ZNF782: variants seen among roughly 807,000 people sequenced by gnomAD.
ZNF782 encodes the protein zinc finger protein 782.
ZNF782 carries 12 observed loss-of-function variants against 13.0 expected under a neutral mutation model. That is an observed-to-expected ratio of 0.92 (90% CI 0.59 to 1.50). The LOEUF (loss-of-function observed/expected upper bound fraction) is 1.50. ZNF782 is among the 40% of genes most tolerant of loss of function. The pLI is 0.00. For synonymous variants in ZNF782, 284 were observed against 283.0 expected, an observed-to-expected ratio of 1.00 and a Z score of -0.04; for missense variants, 770 against 822.9, an observed-to-expected ratio of 0.94 and a Z score of 0.79.
the ZNF782 span, among the ~76,000 whole-genome samples, chr9:96,907,221 T>C: frequency 1.3e-5 from 2 of 152,128 alleles, no homozygotes; most frequent in African/African-American, 2.4e-5. Flanking sequence ...GGATGAACCT[T>C]GAGGACATTA....
Position 96,844,893 on chromosome 9 carries a change from C to T in ZNF782, c.139G>A (p.Val47Met), listed in dbSNP as rs767393803. ...CCCCATGGTAAGCTGTGCTCACCCA[C>T]TGAGACGAGGTGGCTGTAGTTCTCC... ...MLENYSHLVS[V>M]GYCFTKPELI... Residue 47 changes from valine to methionine, a missense_variant, in exon 4 of 6, where the codon GTG (valine) becomes ATG (methionine). By Grantham distance (21) the Val-to-Met change is conservative (BLOSUM62 1). Coordinates refer to ENST00000481138, the MANE Select transcript of ZNF782 (RefSeq NM_001001662.3). 10 of 1,614,000 alleles carry T rather than the reference C, an allele frequency of 6.2e-6. No homozygotes were observed. The highest frequency in any genetic ancestry group is 8.5e-6 in the Non-Finnish European group (10 of 1,179,908).
At chr9:96,855,740 A>G (rs923120932), upstream of ZNF782, among the ~76,000 whole-genome samples, 2 of 152,214 alleles carry the variant, frequency 1.3e-5, no homozygotes, top group Non-Finnish European at 2.9e-5. Context: ...TCTTTTTCAT[A>G]TAATGACTTC....
At chr9:96,851,883 AG>A in intron 3 of ZNF782, 63 bp downstream of exon 3, 2 of 1,440,820 alleles carry the variant, frequency 1.4e-6, no homozygotes, top group Non-Finnish European at 2.0e-6. Flanking sequence ...ATTTAATGCA[AG>A]GGCCTATCTA....
At chr9:96,919,767 T>C in the ZNF782 span, among the ~76,000 whole-genome samples, 9 of 149,990 alleles carry the variant, frequency 6.0e-5, 1 homozygote, top group East Asian at 4.5e-4. Context: ...TTTCACCATG[T>C]TGGCCTGGTC....
chr9:96,916,489 T>TG, the ZNF782 span, among the ~76,000 whole-genome samples: 327 of 150,024 alleles, frequency 2.2e-3, 5 homozygotes, highest in Non-Finnish European at 1.8e-3. Flanking sequence ...ACTCTGTCTC[T>TG]GGGAAAAAAA....
the ZNF782 span, among the ~76,000 whole-genome samples, chr9:96,913,113 G>A: frequency 1.3e-5 from 2 of 151,310 alleles, no homozygotes; most frequent in Non-Finnish European, 1.5e-5. Flanking sequence ...CCAGAAGTTC[G>A]AGACCAGCCT....
At chr9:96,884,314 G>A in the ZNF782 span, among the ~76,000 whole-genome samples, 1 of 152,194 alleles carries the variant, frequency 6.6e-6, no homozygotes, top group African/African-American at 2.4e-5. Flanking sequence ...GCAGTAAAAG[G>A]CAGAGCTGGT....
chr9:96,863,313 C>T (rs745603947), intron 1 of ZNF782, among the ~76,000 whole-genome samples: 44 of 151,018 alleles, frequency 2.9e-4, no homozygotes, highest in African/African-American at 9.8e-4. Context: ...CAATGTGATA[C>T]GACCTTGCTC....
chr9:96,875,706 C>T (rs1160820706), upstream of ZNF782: 34 of 414,642 alleles, frequency 8.2e-5, no homozygotes, highest in Admixed American at 9.2e-4. Flanking sequence ...GGGGTCCCCC[C>T]GGGCTTCCCG....
chr9:96,819,285 A>T lies in ZNF782; in HGVS notation c.738T>A (p.Asn246Lys). Residue 246 changes from asparagine (N) to lysine (K), a missense_variant, in exon 6 of 6, where the codon AAT becomes AAA. Asn to Lys is a moderately conservative substitution (Grantham distance 94). Transcript: ENST00000481138. ...TATCATATTTGTTTTCCCCAAATTT[A>T]TTGAAATTGTAAGATTTTCCTTTTG... ...THPKGKSYNF[N>K]KFGENKYDKS... 1.2e-6 allele frequency: 2 copies of T among 1,613,034 alleles called. No homozygotes were observed. Among genetic ancestry groups the T allele is most frequent in the Non-Finnish European group, 1.7e-6 (2 of 1,179,734 alleles).
upstream of ZNF782, among the ~76,000 whole-genome samples, chr9:96,858,965 C>T (rs913030289): frequency 1.3e-5 from 2 of 151,698 alleles, no homozygotes; most frequent in Admixed American, 1.3e-4. This position sits in a 1 kb window ranked among gnomAD's most constrained non-coding sequence, Gnocchi z 4.4. Context: ...CATCTGATGC[C>T]TCCACCCACG....
chr9:96,868,370 T>A (rs554478562), intron 1 of ZNF782, among the ~76,000 whole-genome samples: 4 of 152,356 alleles, frequency 2.6e-5, no homozygotes, highest in African/African-American at 7.2e-5. Flanking sequence ...TCATAGGTCT[T>A]GGAGCAAATA....
In ZNF782 at chr9:96,850,345, T is replaced by G. The variant is rs1045895907; in HGVS notation, c.15+1602A>C. ...CCATAAAAAGGAATGAAATAATGTCTTTTGCAGCAACTTGGATGGAGCTGG... is the reference window on the plus strand; with the variant it reads ...CCATAAAAAGGAATGAAATAATGTCGTTTGCAGCAACTTGGATGGAGCTGG... On this transcript the variant is annotated intron_variant, in intron 3 of 5. Coordinates refer to ENST00000481138, the MANE Select transcript of ZNF782 (RefSeq NM_001001662.3). This position sits in a 1 kb window ranked among gnomAD's most constrained non-coding sequence, Gnocchi z 4.3. 6.6e-6 allele frequency among the ~76,000 whole-genome samples: 1 copy of G among 152,174 alleles called. No individual in the cohort carries two copies. Among genetic ancestry groups the G allele is most frequent in the Admixed American group, 6.5e-5 (1 of 15,280 alleles).
At chr9:96,822,679 T>C (rs1401648942) in intron 5 of ZNF782, among the ~76,000 whole-genome samples, 4 of 152,192 alleles carry the variant, frequency 2.6e-5, no homozygotes, top group Admixed American at 2.0e-4. Flanking sequence ...TGAAAACTTT[T>C]TCACTTTTAA....
chr9:96,826,803 A>T (rs1022016005), intron 5 of ZNF782, among the ~76,000 whole-genome samples: 10 of 152,192 alleles, frequency 6.6e-5, no homozygotes, highest in African/African-American at 2.4e-4. Context: ...ATTAGCCCAC[A>T]ATAAAAACCC....
At chr9:96,851,411 T>C (rs1270908823) in intron 3 of ZNF782, among the ~76,000 whole-genome samples, 2 of 152,208 alleles carry the variant, frequency 1.3e-5, no homozygotes, top group Non-Finnish European at 1.5e-5. Context: ...TTCTCATTTT[T>C]CTAAATTATT....
At chr9:96,881,785 T>C in the ZNF782 span, among the ~76,000 whole-genome samples, 1 of 152,242 alleles carries the variant, frequency 6.6e-6, no homozygotes, top group East Asian at 1.9e-4. Flanking sequence ...TATATGTCCA[T>C]TCTTATGCCA....
At chr9:96,845,540 G>A (rs969384706) in intron 3 of ZNF782, among the ~76,000 whole-genome samples, 3 of 152,144 alleles carry the variant, frequency 2.0e-5, no homozygotes, top group East Asian at 1.9e-4. Context: ...TACAGGCGTG[G>A]GCCATAGTGC....
chr9:96,834,226 C>T (rs1377074787), intron 4 of ZNF782, among the ~76,000 whole-genome samples: 2 of 152,198 alleles, frequency 1.3e-5, no homozygotes, highest in East Asian at 3.9e-4. Flanking sequence ...TTCCCCCATC[C>T]TATTCTCGTG....
Sources: allele counts gnomAD v4.1 joint callset (sites outside exome capture counted in the v4.1 genomes callset), GRCh38; gene constraint gnomAD v4.1.1; non-coding constraint Gnocchi (gnomAD v3.1); transcripts MANE v1.5; gene names NCBI Gene and HGNC (gene_info 2026-07-23, HGNC 2026-07-21).